GABRB1: variants seen among roughly 807,000 people sequenced by gnomAD.
GABRB1 encodes gamma-aminobutyric acid type A receptor subunit beta1, also known as gamma-aminobutyric acid receptor subunit beta-1.
A neutral mutation model predicts 51.6 loss-of-function variants in GABRB1; 17 were observed. The ratio of observed to expected loss-of-function variants is 0.33; its 90% CI spans 0.23 to 0.49. The LOEUF (loss-of-function observed/expected upper bound fraction) is 0.49. Ranked by LOEUF, GABRB1 falls within the 20% of genes least tolerant of loss-of-function variation. The pLI is 0.99. For missense variants in GABRB1, 410 were observed against 600.6 expected (o/e 0.68, Z 3.32); for synonymous variants, 247 against 218.9 (o/e 1.13, Z -1.14).
At chr4:47,320,351 C>T (rs1725034453) in intron 5 of GABRB1, 142 bp downstream of exon 5, 1 of 663,696 alleles carries the variant, frequency 1.5e-6, no homozygotes, top group African/African-American at 1.9e-5. Flanking sequence ...ATTGGTAGCT[C>T]AAGGGTCATT....
chr4:47,334,684 C>T (rs1190656649), intron 5 of GABRB1, among the ~76,000 whole-genome samples: 1 of 152,174 alleles, frequency 6.6e-6, no homozygotes, highest in Non-Finnish European at 1.5e-5. Context: ...AGAAGGAGCA[C>T]ATAGTTTACA....
intron 4 of GABRB1, among the ~76,000 whole-genome samples, chr4:47,210,672 A>G (rs1439751008): frequency 6.6e-6 from 1 of 152,118 alleles, no homozygotes; most frequent in East Asian, 1.9e-4. Flanking sequence ...AGATGGCTGT[A>G]TAGTATTCAT....
At chr4:47,319,704 T>G (rs1048373342) in intron 4 of GABRB1, among the ~76,000 whole-genome samples, 19 of 152,198 alleles carry the variant, frequency 1.2e-4, no homozygotes, top group African/African-American at 4.3e-4. Flanking sequence ...CCTCATGAAA[T>G]GAATTTGGCA....
intron 1 of GABRB1, among the ~76,000 whole-genome samples, chr4:47,009,389 T>C (rs1724517781): frequency 6.6e-6 from 1 of 152,150 alleles, no homozygotes; most frequent in African/African-American, 2.4e-5. Context: ...TGTATTTGCC[T>C]TACAGGCTTA....
chr4:47,243,194 G>T (rs369648515), intron 4 of GABRB1, among the ~76,000 whole-genome samples: 2 of 152,288 alleles, frequency 1.3e-5, no homozygotes, highest in East Asian at 1.9e-4. Flanking sequence ...TCAGATGGTT[G>T]TAGATGTGTG....
At chr4:47,132,392 T>TTTTGGTTTGG (rs35774226) in intron 3 of GABRB1, among the ~76,000 whole-genome samples, 1 of 119,106 alleles carries the variant, frequency 8.4e-6, no homozygotes, top group Non-Finnish European at 1.9e-5. Flanking sequence ...TTTTGGTTTG[T>TTTTGGTTTGG]TTTGGTTTGG....
At chr4:47,346,047 C>A (rs1388070285) in intron 5 of GABRB1, among the ~76,000 whole-genome samples, 69 of 142,838 alleles carry the variant, frequency 4.8e-4, no homozygotes, top group South Asian at 6.6e-4. Flanking sequence ...TTGAAAATGG[C>A]AAAAAAAAAA....
At chr4:47,409,453 A>G (rs968352709) in intron 8 of GABRB1, among the ~76,000 whole-genome samples, 8 of 152,162 alleles carry the variant, frequency 5.3e-5, no homozygotes, top group Non-Finnish European at 1.0e-4. Context: ...CATCTCTCCG[A>G]CCATCTCCAG....
chr4:47,142,357 C>A (rs540056928), intron 3 of GABRB1, among the ~76,000 whole-genome samples: 2 of 151,796 alleles, frequency 1.3e-5, no homozygotes, highest in South Asian at 4.2e-4. Context: ...AGAACAGCAT[C>A]CTTTGAATAA....
intron 4 of GABRB1, among the ~76,000 whole-genome samples, chr4:47,240,821 C>G (rs1049471783): frequency 6.6e-6 from 1 of 152,180 alleles, no homozygotes; most frequent in African/African-American, 2.4e-5. Context: ...TAGTTAGAGG[C>G]ATTCAATATT....
At chr4:47,046,810 C>G (rs995023795) in intron 3 of GABRB1, among the ~76,000 whole-genome samples, 5 of 152,176 alleles carry the variant, frequency 3.3e-5, no homozygotes, top group African/African-American at 1.2e-4. Flanking sequence ...TACTATGCAG[C>G]CTTAAAAAAT....
chr4:47,339,945 T>G (rs1324616788), intron 5 of GABRB1, among the ~76,000 whole-genome samples: 1 of 152,082 alleles, frequency 6.6e-6, no homozygotes, highest in African/African-American at 2.4e-5. Context: ...AATAAGTGAC[T>G]AAGAAGAATT....
At chr4:47,237,132 A>G (rs566942490) in intron 4 of GABRB1, among the ~76,000 whole-genome samples, 1 of 152,166 alleles carries the variant, frequency 6.6e-6, no homozygotes, top group South Asian at 2.1e-4. Context: ...CAAGAAAATA[A>G]AATGAAAAAG....
At chr4:47,253,791 G>C (rs1291100286) in intron 4 of GABRB1, among the ~76,000 whole-genome samples, 1 of 152,084 alleles carries the variant, frequency 6.6e-6, no homozygotes, top group African/African-American at 2.4e-5. Flanking sequence ...ACTTTTTAGG[G>C]CACAATTTTC....
intron 1 of GABRB1, among the ~76,000 whole-genome samples, chr4:47,022,803 C>T (rs140992504): frequency 6.6e-6 from 1 of 152,136 alleles, no homozygotes; most frequent in East Asian, 1.9e-4. Flanking sequence ...ACCATATGAT[C>T]CAGCAATCCC....
At chr4:47,216,664 C>A (rs917563877) in intron 4 of GABRB1, among the ~76,000 whole-genome samples, 8 of 151,908 alleles carry the variant, frequency 5.3e-5, no homozygotes, top group Admixed American at 4.6e-4. Flanking sequence ...AGGTCAACAA[C>A]TTTGCTAGTA....
intron 5 of GABRB1, among the ~76,000 whole-genome samples, chr4:47,343,808 A>C (rs970569256): frequency 4.6e-5 from 7 of 152,222 alleles, no homozygotes; most frequent in African/African-American, 1.7e-4. Flanking sequence ...ACGTATTCAT[A>C]TTATCCTCAC....
chr4:47,029,859 T>C (rs1725230916), upstream of GABRB1, among the ~76,000 whole-genome samples: 1 of 152,130 alleles, frequency 6.6e-6, no homozygotes, highest in Non-Finnish European at 1.5e-5. Context: ...CGTACTATTT[T>C]GCTTTTTATC....
chr4:47,256,541 G>A (rs1722204984), intron 4 of GABRB1, among the ~76,000 whole-genome samples: 2 of 152,204 alleles, frequency 1.3e-5, no homozygotes, highest in South Asian at 4.1e-4. Flanking sequence ...ACCTGAGACT[G>A]GATAATCTAT....
Sources: gnomAD v4.1 joint callset for allele counts (sites outside exome capture counted in the v4.1 genomes callset) on GRCh38, gnomAD v4.1.1 for gene constraint, MANE v1.5 for transcripts, NCBI Gene and HGNC (gene_info 2026-07-23, HGNC 2026-07-21) for gene names.